Variants in KCNQ1 observed in about 807,000 individuals in gnomAD.
KCNQ1 encodes potassium voltage-gated channel subfamily Q member 1.
Under a neutral mutation model 72.4 loss-of-function variants are expected in KCNQ1, and 49 were observed. That is an observed-to-expected ratio of 0.68 (90% CI 0.54 to 0.86). KCNQ1 has a LOEUF of 0.86. Ranked by LOEUF, KCNQ1 falls within the 40% of genes least tolerant of loss-of-function variation. The probability of loss-of-function intolerance (pLI) is 0.00; values close to 1 mark genes in which losing one functional copy is unlikely to be tolerated. For missense variants in KCNQ1, 790 were observed against 945.1 expected, an observed-to-expected ratio of 0.84 and a Z score of 2.15; for synonymous variants, 450 against 412.6, an observed-to-expected ratio of 1.09 and a Z score of -1.10.
Position 2,657,591 on chromosome 11 carries a change from G to A in KCNQ1, c.1394-4370G>A. On this transcript the variant is annotated intron_variant, in intron 10 of 15. Coordinates refer to ENST00000155840, the MANE Select transcript of KCNQ1 (RefSeq NM_000218.3). This position sits in a 1 kb window ranked among gnomAD's most constrained non-coding sequence, Gnocchi z 4.8. ...GCATCTTATATAACCATGGTACATT[G>A]ACCAAAACTAAAAAATTAACATTGG... The A allele has an allele frequency of 2.5e-6, 1 of 398,442 alleles. No individual in the cohort carries two copies. The highest frequency in any genetic ancestry group is 3.6e-5 in the East Asian group (1 of 28,062). The allele number at this position is 398,442 out of a possible 1,614,324, so 24.7% of individuals were successfully genotyped here.
At chr11:2,641,812 A>T in intron 10 of KCNQ1, 1 of 398,412 alleles carries the variant, frequency 2.5e-6, no homozygotes, top group Non-Finnish European at 4.4e-6. Flanking sequence ...AGTTGATTTT[A>T]GTATAGCAAG....
Position 2,647,431 on chromosome 11 carries a change from A to C in KCNQ1, c.1394-14530A>C. On this transcript the variant is annotated intron_variant, in intron 10 of 15. Coordinates refer to ENST00000155840, the MANE Select transcript of KCNQ1 (RefSeq NM_000218.3). This position sits in a 1 kb window ranked among gnomAD's most constrained non-coding sequence, Gnocchi z 4.0. ...TTCTGAGGATTCTGCATCTATGTTC[A>C]TCAGGGAGATTGGCCTGTAGTTTTC... is the stretch of plus-strand genomic sequence containing the variant. 1 of 398,528 alleles carries C rather than the reference A, an allele frequency of 2.5e-6. No individual in the cohort carries two copies. The highest frequency in any genetic ancestry group is 3.6e-5 in the East Asian group (1 of 28,054). 24.7% of individuals were successfully genotyped at this position (398,528 alleles called of 1,614,324 possible).
intron 15 of KCNQ1, among the ~76,000 whole-genome samples, chr11:2,846,083 C>G (rs1397414767): frequency 6.6e-6 from 1 of 152,172 alleles, no homozygotes; most frequent in Non-Finnish European, 1.5e-5. Flanking sequence ...AGAACCCAGC[C>G]CTGGCCCACA....
intron 8 of KCNQ1, 23 bp downstream of exon 8, chr11:2,585,330 G>A: frequency 6.2e-7 from 1 of 1,602,682 alleles, no homozygotes; most frequent in Non-Finnish European, 8.5e-7. Context: ...CAAGGCCCTG[G>A]TCACTGTCAT....
rs560578439 is a variant in KCNQ1 at position 2,789,047 on chromosome 11, G to A, written c.1794+11010G>A. 2.6e-4 allele frequency among the ~76,000 whole-genome samples: 39 copies of A among 152,136 alleles called. No homozygotes were observed. The South Asian group carries it at 5.4e-3, about 21-fold the overall frequency. ...TTGCCTGGCCAGGGACCGAGGCCCCGTACCCTCCCCCAACTTCAGGCTACC... is the reference window on the plus strand; with the variant it reads ...TTGCCTGGCCAGGGACCGAGGCCCCATACCCTCCCCCAACTTCAGGCTACC... On this transcript the variant is annotated intron_variant, in intron 15 of 15. Coordinates refer to ENST00000155840, the MANE Select transcript of KCNQ1 (RefSeq NM_000218.3).
chr11:2,667,707 T>A lies in KCNQ1; in HGVS notation c.1514+5626T>A, dbSNP rs570042364. ...GCACGGAGGTGACCTAGTCAGGAAG[T>A]CTGGAAGCCGTGTCCCCTTAAGTGA... On this transcript the variant is annotated intron_variant, in intron 11 of 15. Coordinates refer to ENST00000155840, the MANE Select transcript of KCNQ1 (RefSeq NM_000218.3). 6 of 398,694 alleles carry A rather than the reference T, an allele frequency of 1.5e-5. No individual in the cohort carries two copies. In the South Asian group the frequency reaches 7.7e-4, roughly 51 times the overall value. 24.7% of individuals were successfully genotyped at this position (398,694 alleles called of 1,614,324 possible).
chr11:2,727,127 C>T (rs916997991), intron 11 of KCNQ1, among the ~76,000 whole-genome samples: 2 of 152,210 alleles, frequency 1.3e-5, no homozygotes, highest in Non-Finnish European at 2.9e-5. Flanking sequence ...GCGAGACAGA[C>T]ATAAGCCAGA....
At chr11:2,531,668 C>A (rs1234650720) in intron 2 of KCNQ1, among the ~76,000 whole-genome samples, 1 of 152,206 alleles carries the variant, frequency 6.6e-6, no homozygotes, top group Non-Finnish European at 1.5e-5. Flanking sequence ...GGCAGAGAAG[C>A]AGCCCGTGGC....
In KCNQ1 at chr11:2,455,287, A is replaced by G. The variant is rs1846171774; in HGVS notation, c.386+9803A>G. ...TAATTTTTTGTATTTTTTAGTAGAG[A>G]CGGGGTTTCACCGTGTTAGCCAGGA... On this transcript the variant is annotated intron_variant, in intron 1 of 15. Transcript: ENST00000155840. Among the ~76,000 whole-genome samples, 4 of 151,918 alleles carry G rather than the reference A, an allele frequency of 2.6e-5. No individual in the cohort carries two copies. In the South Asian group the frequency reaches 8.3e-4, roughly 31 times the overall value.
At chr11:2,796,019 G>A (rs1026335945) in intron 15 of KCNQ1, among the ~76,000 whole-genome samples, 9 of 152,160 alleles carry the variant, frequency 5.9e-5, no homozygotes, top group African/African-American at 1.4e-4. Context: ...GAGAGCCACC[G>A]ACATTTCTTA....
At chr11:2,649,992 A>AT (rs1433019107) in intron 10 of KCNQ1, 1 of 398,122 alleles carries the variant, frequency 2.5e-6, no homozygotes, top group African/African-American at 2.1e-5. Flanking sequence ...TTTTATTGTT[A>AT]TTTTTTAAAT....
rs1055698114 is a variant in KCNQ1 at position 2,620,218 on chromosome 11, T to A, written c.1393+31364T>A. The A allele has an allele frequency of 3.5e-5, 10 of 282,646 alleles. 1 individual carries two copies. Among genetic ancestry groups the A allele is most frequent in the East Asian group, 6.4e-5 (1 of 15,596 alleles). 17.5% of individuals were successfully genotyped at this position (282,646 alleles called of 1,614,324 possible). A position where few individuals can be genotyped will look rare whatever the true frequency, so the allele number is the denominator to read the frequency against. Reference sequence around the variant, plus strand: ...ATTCATGTATATATATATATTTTTTTTTTTTATTTTTTTTTTAGACGGAGT... The same window carrying A: ...ATTCATGTATATATATATATTTTTTATTTTTATTTTTTTTTTAGACGGAGT... On this transcript the variant is annotated intron_variant, in intron 10 of 15. Transcript: ENST00000155840. This position sits in a 1 kb window ranked among gnomAD's most constrained non-coding sequence, Gnocchi z 4.5.
In KCNQ1 at chr11:2,483,575, T is replaced by A. The variant is rs1226973816; in HGVS notation, c.386+38091T>A. 6.6e-6 allele frequency among the ~76,000 whole-genome samples: 1 copy of A among 152,196 alleles called. No homozygotes were observed. Among genetic ancestry groups the A allele is most frequent in the African/African-American group, 2.4e-5 (1 of 41,448 alleles). On this transcript the variant is annotated intron_variant, in intron 1 of 15. Transcript: ENST00000155840. The surrounding 1 kb of genome is among the most constrained non-coding windows in gnomAD (Gnocchi z 6.1). ...CCTGTGCCAGCTCCTCAGTCTCTCT[T>A]TGTCTTTCGTGACCTTGATGTTTTA...
intron 15 of KCNQ1, among the ~76,000 whole-genome samples, chr11:2,814,446 A>ATGGG (rs1227586383): frequency 1.4e-5 from 2 of 147,778 alleles, no homozygotes; most frequent in Non-Finnish European, 1.5e-5. Flanking sequence ...AAATGAAGAG[A>ATGGG]TGGGTGGGTG....
At chr11:2,511,097 T>C (rs1847192177) in intron 1 of KCNQ1, among the ~76,000 whole-genome samples, 1 of 152,216 alleles carries the variant, frequency 6.6e-6, no homozygotes, top group Non-Finnish European at 1.5e-5. Flanking sequence ...TATCTGTCTC[T>C]GCACCCCTGG....
In KCNQ1 at chr11:2,815,651, C is replaced by T. The variant is rs565641416; in HGVS notation, c.1795-32116C>T. ...GCAGGGGGGCAGGCACCATCGCCCC[C>T]AGCCCCAGGCTGACCCCAGTCCCTC... On this transcript the variant is annotated intron_variant, in intron 15 of 15. Transcript: ENST00000155840. This position sits in a 1 kb window ranked among gnomAD's most constrained non-coding sequence, Gnocchi z 5.4. Among the ~76,000 whole-genome samples the T allele has an allele frequency of 1.7e-3, 263 of 152,246 alleles. No individual in the cohort carries two copies. Among genetic ancestry groups the T allele is most frequent in the Non-Finnish European group, 3.4e-3 (230 of 67,994 alleles).
rs937007422 is a variant in KCNQ1 at position 2,746,496 on chromosome 11, G to A, written c.1515-22348G>A. On this transcript the variant is annotated intron_variant, in intron 11 of 15. Coordinates refer to ENST00000155840, the MANE Select transcript of KCNQ1 (RefSeq NM_000218.3). This position sits in a 1 kb window ranked among gnomAD's most constrained non-coding sequence, Gnocchi z 5.9. ...CCCTGGGCTCCTCTGGGCGGTGACT[G>A]TTTCCCAGGCTCTCCTTGTTGGTGG... 1.3e-5 allele frequency among the ~76,000 whole-genome samples: 2 copies of A among 152,188 alleles called. No individual in the cohort carries two copies. Among genetic ancestry groups the A allele is most frequent in the Admixed American group, 1.3e-4 (2 of 15,278 alleles).
rs1336573158 is a variant in KCNQ1 at position 2,526,536 on chromosome 11, T to C, written c.387-1392T>C. On this transcript the variant is annotated intron_variant, in intron 1 of 15. Coordinates refer to ENST00000155840, the MANE Select transcript of KCNQ1 (RefSeq NM_000218.3). The surrounding 1 kb of genome is among the most constrained non-coding windows in gnomAD (Gnocchi z 6.1). ...GCTACCAGAGGCCAGGAAAGGATTG[T>C]CCTGTCCACAGGAGCTTGGGGAAGG... Among the ~76,000 whole-genome samples, 1 of 151,394 alleles carries C rather than the reference T, an allele frequency of 6.6e-6. No individual in the cohort carries two copies. The highest frequency in any genetic ancestry group is 2.4e-5 in the African/African-American group (1 of 41,122).
intron 11 of KCNQ1, chr11:2,697,733 ATTG>A (rs1210668330): frequency 1.0e-5 from 4 of 398,490 alleles, no homozygotes; most frequent in Admixed American, 4.4e-5. Flanking sequence ...TTGTTTAAGA[ATTG>A]TTGTTTAATA....
Sources: gnomAD v4.1 joint callset for allele counts (sites outside exome capture counted in the v4.1 genomes callset) on GRCh38, gnomAD v4.1.1 for gene constraint, Gnocchi (gnomAD v3.1) non-coding constraint, MANE v1.5 for transcripts, NCBI Gene and HGNC (gene_info 2026-07-23, HGNC 2026-07-21) for gene names.